DPYSL5: variants seen among roughly 807,000 people sequenced by gnomAD.
The protein encoded by DPYSL5 is dihydropyrimidinase-related protein 5.
Under a neutral mutation model 58.4 loss-of-function variants are expected in DPYSL5, and 9 were observed. That is an observed-to-expected ratio of 0.15 (90% CI 0.09 to 0.27). DPYSL5 has a LOEUF of 0.27. DPYSL5 is among the 10% of genes least tolerant of loss of function. DPYSL5 has a pLI of 1.00. For synonymous variants in DPYSL5, 293 were observed against 301.9 expected, an observed-to-expected ratio of 0.97 and a Z score of 0.31; for missense variants, 499 against 770.6, an observed-to-expected ratio of 0.65 and a Z score of 4.17.
chr2:26,915,758 T>C (rs903423676), intron 2 of DPYSL5, among the ~76,000 whole-genome samples: 2 of 152,154 alleles, frequency 1.3e-5, no homozygotes, highest in Non-Finnish European at 1.5e-5. Context: ...TGGTTTTATT[T>C]CCTGTTCTGC....
intron 1 of DPYSL5, among the ~76,000 whole-genome samples, chr2:26,871,198 A>G (rs1462416996): frequency 1.3e-5 from 2 of 151,932 alleles, no homozygotes; most frequent in African/African-American, 4.8e-5. Flanking sequence ...TAACCTATTC[A>G]CTCTCTGGCC....
chr2:26,940,542 G>C, intron 9 of DPYSL5, among the ~76,000 whole-genome samples: 1 of 146,924 alleles, frequency 6.8e-6, no homozygotes, highest in East Asian at 2.0e-4. Flanking sequence ...TGTCCAGACA[G>C]GTCTTGAACT....
At chr2:26,928,467 G>A (rs1462966514) in intron 5 of DPYSL5, 144 bp downstream of exon 5, 4 of 904,418 alleles carry the variant, frequency 4.4e-6, no homozygotes, top group Admixed American at 4.4e-5. Flanking sequence ...GGCTGAGGTG[G>A]GTGGATGGCT....
chr2:26,909,118 A>G (rs900602112), intron 2 of DPYSL5, among the ~76,000 whole-genome samples: 2 of 152,174 alleles, frequency 1.3e-5, no homozygotes, highest in African/African-American at 4.8e-5. Flanking sequence ...TTTCAGCCTC[A>G]TTGTTCCCTT....
Position 26,940,047 on chromosome 2 carries a change from G to T in DPYSL5, c.964G>T (p.Val322Leu). 6.2e-7 allele frequency: 1 copy of T among 1,613,928 alleles called. No individual in the cohort carries two copies. The highest frequency in any genetic ancestry group is 8.5e-7 in the Non-Finnish European group (1 of 1,180,004). ...TCTACCCAGTGACACTCTGAACATC[G>T]TGGCATCAGATCACCGGCCTTTCAC... ...SLLANDTLNI[V>L]ASDHRPFTTK... Residue 322 changes from valine to leucine, a missense_variant, in exon 9 of 13, where the codon GTG (valine) becomes TTG (leucine). Physicochemically the swap from Val to Leu is conservative, Grantham distance 32. Transcript: ENST00000288699.
In DPYSL5 at chr2:26,947,008, G is replaced by A; in HGVS notation, c.*13G>A. The A allele has an allele frequency of 1.2e-6, 2 of 1,601,232 alleles. No individual in the cohort carries two copies. The highest frequency in any genetic ancestry group is 1.7e-6 in the Non-Finnish European group (2 of 1,169,376). Reference sequence around the variant, plus strand: ...TGGCATTTGGTAAAGGCATTGCCAAGCCCCCCGAGTGAGGACGCACCGCCG... The same window carrying A: ...TGGCATTTGGTAAAGGCATTGCCAAACCCCCCGAGTGAGGACGCACCGCCG... On this transcript the variant is annotated 3_prime_UTR_variant, in exon 13 of 13. Coordinates refer to ENST00000288699, the MANE Select transcript of DPYSL5 (RefSeq NM_020134.4). This position sits in a 1 kb window ranked among gnomAD's most constrained non-coding sequence, Gnocchi z 4.2.
intron 1 of DPYSL5, among the ~76,000 whole-genome samples, chr2:26,856,477 AT>A (rs1273680452): frequency 6.6e-6 from 1 of 151,946 alleles, no homozygotes. Flanking sequence ...TAATTTGCTT[AT>A]TTTTTTCATT....
Position 26,925,060 on chromosome 2 carries a change from G to A in DPYSL5, c.420+15G>A. Reference sequence around the variant, plus strand: ...GGGCACCCAAGGTAACAGTGCTGGTGGGATCCCAGAAGAAGGCACAAGTGG... The same window carrying A: ...GGGCACCCAAGGTAACAGTGCTGGTAGGATCCCAGAAGAAGGCACAAGTGG... On this transcript the variant is annotated intron_variant, in intron 3 of 12. Transcript: ENST00000288699. The surrounding 1 kb of genome is among the most constrained non-coding windows in gnomAD (Gnocchi z 4.5). 1.9e-6 allele frequency: 3 copies of A among 1,612,216 alleles called. No individual in the cohort carries two copies. In the South Asian group the frequency reaches 3.3e-5, roughly 18 times the overall value.
At position 26,857,033 on chromosome 2, in the gene DPYSL5, A is replaced by G. The variant is rs548875166; in HGVS notation, c.-5+8779A>G. 1.5e-4 allele frequency among the ~76,000 whole-genome samples: 23 copies of G among 151,648 alleles called. No individual in the cohort carries two copies. The South Asian group carries it at 4.4e-3, about 29-fold the overall frequency. The stretch of plus-strand genomic sequence containing the variant: ...CTTTTAAACTAAGCGGTGTACGTCT[A>G]CCTTAGTCTTGCTACTGCAGTTTTC... On this transcript the variant is annotated intron_variant, in intron 1 of 12. Coordinates refer to ENST00000288699, the MANE Select transcript of DPYSL5 (RefSeq NM_020134.4).
At chr2:26,943,032 T>C (rs982986073) in intron 11 of DPYSL5, among the ~76,000 whole-genome samples, 5 of 152,206 alleles carry the variant, frequency 3.3e-5, no homozygotes, top group Non-Finnish European at 7.3e-5. Flanking sequence ...TGTGAGTGTG[T>C]GCGACCGCTG....
chr2:26,901,387 A>T (rs745500020), intron 2 of DPYSL5, among the ~76,000 whole-genome samples: 22 of 151,442 alleles, frequency 1.5e-4, no homozygotes, highest in Non-Finnish European at 3.1e-4. Flanking sequence ...CCTGCCCTTG[A>T]CCCCTCCACT....
chr2:26,936,675 G>C (rs1665187429), intron 8 of DPYSL5, among the ~76,000 whole-genome samples: 1 of 152,134 alleles, frequency 6.6e-6, no homozygotes, highest in Non-Finnish European at 1.5e-5. Context: ...GTTTTGGCTG[G>C]GCATGGTGGC....
chr2:26,932,136 AG>A (rs1490593106), intron 6 of DPYSL5, among the ~76,000 whole-genome samples: 59 of 114,556 alleles, frequency 5.2e-4, no homozygotes, highest in African/African-American at 2.1e-3. Context: ...AAAGAAAGAA[AG>A]AGAAAGAAAG....
intron 5 of DPYSL5, among the ~76,000 whole-genome samples, chr2:26,930,165 T>C (rs1664934369): frequency 6.6e-6 from 1 of 152,172 alleles, no homozygotes; most frequent in Admixed American, 6.5e-5. Context: ...CACTTCTGAA[T>C]TGGTAGAGAA....
chr2:26,902,327 A>G (rs62128447), intron 2 of DPYSL5, among the ~76,000 whole-genome samples: 4,690 of 152,080 alleles, frequency 0.031, 103 homozygotes, highest in Non-Finnish European at 0.044. Context: ...CAGAGTAAAG[A>G]ATGTTCTTAC....
At chr2:26,910,333 A>G (rs974397920) in intron 2 of DPYSL5, among the ~76,000 whole-genome samples, 4 of 151,376 alleles carry the variant, frequency 2.6e-5, no homozygotes, top group Non-Finnish European at 5.9e-5. Flanking sequence ...GGTTGTAACA[A>G]TTTTTTTTTC....
At chr2:26,901,095 A>T (rs1271746066) in intron 2 of DPYSL5, among the ~76,000 whole-genome samples, 1 of 152,086 alleles carries the variant, frequency 6.6e-6, no homozygotes, top group Non-Finnish European at 1.5e-5. Context: ...AAACATCTAA[A>T]GGCCCCTGTG....
In DPYSL5 at chr2:26,877,135, T is replaced by A. The variant is rs1026967259; in HGVS notation, c.-4-21361T>A. Among the ~76,000 whole-genome samples, 4 of 151,482 alleles carry A rather than the reference T, an allele frequency of 2.6e-5. No individual in the cohort carries two copies. The highest frequency in any genetic ancestry group is 5.9e-5 in the Non-Finnish European group (4 of 67,902). On this transcript the variant is annotated intron_variant, in intron 1 of 12. Transcript: ENST00000288699. The surrounding 1 kb of genome is among the most constrained non-coding windows in gnomAD (Gnocchi z 4.1). ...GCGCCTGCCACCAAGCCCGGCTAAT[T>A]TTTGTATTTTTAGTAGAAACGGGGT...
chr2:26,868,427 G>A (rs1294653026), intron 1 of DPYSL5, among the ~76,000 whole-genome samples: 1 of 152,244 alleles, frequency 6.6e-6, no homozygotes. Flanking sequence ...TTGGTGGTAC[G>A]CAGTCTCCCA....
Sources: allele counts gnomAD v4.1 joint callset (sites outside exome capture counted in the v4.1 genomes callset), GRCh38; gene constraint gnomAD v4.1.1; non-coding constraint Gnocchi (gnomAD v3.1); transcripts MANE v1.5; gene names NCBI Gene and HGNC (gene_info 2026-07-23, HGNC 2026-07-21).